ATRNL1: variants seen among roughly 807,000 people sequenced by gnomAD.
ATRNL1 encodes the protein attractin-like protein 1.
ATRNL1 carries 95 observed loss-of-function variants against 182.7 expected under a neutral mutation model. The ratio of observed to expected loss-of-function variants is 0.52; its 90% CI spans 0.44 to 0.62. The LOEUF (loss-of-function observed/expected upper bound fraction) is 0.62, where lower values mean the gene tolerates loss of function less well. Ranked by LOEUF, ATRNL1 falls within the 20% of genes least tolerant of loss-of-function variation. The pLI is 0.00. For missense variants in ATRNL1, 1,471 were observed against 1,679.5 expected, an observed-to-expected ratio of 0.88 and a Z score of 2.17; for synonymous variants, 576 against 568.3, an observed-to-expected ratio of 1.01 and a Z score of -0.19.
intron 28 of ATRNL1, among the ~76,000 whole-genome samples, chr10:115,879,944 C>T (rs1951790273): frequency 6.6e-6 from 1 of 151,922 alleles, no homozygotes; most frequent in South Asian, 2.1e-4. Flanking sequence ...AGCTCAGGAG[C>T]CAGGAAATTG....
At chr10:115,560,460 A>T (rs1853633160) in intron 26 of ATRNL1, among the ~76,000 whole-genome samples, 1 of 152,196 alleles carries the variant, frequency 6.6e-6, no homozygotes, top group Non-Finnish European at 1.5e-5. Context: ...TTGGGTGGGG[A>T]CACAGCAAAA....
At position 115,292,186 on chromosome 10, in the gene ATRNL1, G is replaced by A. The variant is rs568901858; in HGVS notation, c.2415+5789G>A. Among the ~76,000 whole-genome samples the A allele has an allele frequency of 4.0e-5, 6 of 151,890 alleles. No individual in the cohort carries two copies. The South Asian group carries it at 1.0e-3, about 26-fold the overall frequency. On this transcript the variant is annotated intron_variant, in intron 15 of 28. Coordinates refer to ENST00000355044, the MANE Select transcript of ATRNL1 (RefSeq NM_207303.4). Reference sequence around the variant, plus strand: ...CTCTAATGACCCTTTATGTTTCTGTGTTATTTTAATGTCTCCTGAATTTTC... The same window carrying A: ...CTCTAATGACCCTTTATGTTTCTGTATTATTTTAATGTCTCCTGAATTTTC...
At chr10:115,223,787 A>T (rs1428090312) in intron 9 of ATRNL1, among the ~76,000 whole-genome samples, 1 of 150,882 alleles carries the variant, frequency 6.6e-6, no homozygotes, top group South Asian at 2.1e-4. Flanking sequence ...GACCACAGTG[A>T]AATAAAAAGT....
rs374613836 is a variant in ATRNL1, at chr10:115,806,511, C to G, written c.3904-41366C>G. Among the ~76,000 whole-genome samples, 78 of 152,246 alleles carry G rather than the reference C, an allele frequency of 5.1e-4. No individual in the cohort carries two copies. In the South Asian group the frequency reaches 0.015, roughly 28 times the overall value. ...GCTACAGTTGCAAGTCACTAAAATT[C>G]ATCAGAATAAATTAAACTGCACAGG... is the stretch of plus-strand genomic sequence containing the variant. On this transcript the variant is annotated intron_variant, in intron 27 of 28. Coordinates refer to ENST00000355044, the MANE Select transcript of ATRNL1 (RefSeq NM_207303.4).
chr10:115,274,882 A>G lies in ATRNL1; in HGVS notation c.2100+6438A>G, dbSNP rs373666950. ...AACCACATCTGATAAGGCAATTACA[A>G]TTGGTATTACCACTCGGTTAAGCTT... On this transcript the variant is annotated intron_variant, in intron 13 of 28. Transcript: ENST00000355044. 2.0e-4 allele frequency among the ~76,000 whole-genome samples: 30 copies of G among 152,328 alleles called. No homozygotes were observed. In the South Asian group the frequency reaches 6.2e-3, roughly 32 times the overall value.
intron 26 of ATRNL1, among the ~76,000 whole-genome samples, chr10:115,681,948 C>G (rs1488843545): frequency 6.6e-6 from 1 of 152,084 alleles, no homozygotes; most frequent in Non-Finnish European, 1.5e-5. Flanking sequence ...TCCTGAGATA[C>G]AATGCAGTGG....
chr10:115,591,258 T>TC (rs1226460621), intron 26 of ATRNL1, among the ~76,000 whole-genome samples: 1 of 152,162 alleles, frequency 6.6e-6, no homozygotes, highest in Non-Finnish European at 1.5e-5. Context: ...TACCTCAATT[T>TC]CCCACAAGAT....
intron 27 of ATRNL1, among the ~76,000 whole-genome samples, chr10:115,815,352 C>T (rs958638129): frequency 1.3e-5 from 2 of 151,012 alleles, no homozygotes; most frequent in African/African-American, 4.9e-5. Context: ...GTACCTAAAA[C>T]GAAGTTGCTA....
intron 24 of ATRNL1, among the ~76,000 whole-genome samples, chr10:115,500,489 G>A (rs919520994): frequency 6.6e-6 from 1 of 152,022 alleles, no homozygotes; most frequent in African/African-American, 2.4e-5. Context: ...ACAAATCATG[G>A]TAGGACTGAT....
At chr10:115,196,725 T>A (rs956460061) in intron 8 of ATRNL1, among the ~76,000 whole-genome samples, 1 of 152,142 alleles carries the variant, frequency 6.6e-6, no homozygotes, top group Non-Finnish European at 1.5e-5. Flanking sequence ...ATTGCTAGTC[T>A]ATGTAAAAAT....
chr10:115,668,277 G>A (rs961425808), intron 26 of ATRNL1, among the ~76,000 whole-genome samples: 1 of 152,032 alleles, frequency 6.6e-6, no homozygotes, highest in African/African-American at 2.4e-5. Flanking sequence ...CCCCAGTGGG[G>A]TAACTTCAAA....
At chr10:115,270,982 A>G (rs1554912803) in intron 13 of ATRNL1, among the ~76,000 whole-genome samples, 1 of 152,178 alleles carries the variant, frequency 6.6e-6, no homozygotes, top group Non-Finnish European at 1.5e-5. Flanking sequence ...TCCTGTGTAC[A>G]ACTGGAAAAC....
chr10:115,311,478 C>T (rs368093703), intron 17 of ATRNL1, among the ~76,000 whole-genome samples: 2 of 152,274 alleles, frequency 1.3e-5, no homozygotes, highest in South Asian at 2.1e-4. Flanking sequence ...TGAGCCACTG[C>T]GCCCAGCCGA....
chr10:115,209,702 A>T (rs1554894579), intron 8 of ATRNL1, among the ~76,000 whole-genome samples: 1 of 151,910 alleles, frequency 6.6e-6, no homozygotes, highest in African/African-American at 2.4e-5. Context: ...TATGCAAATA[A>T]CAACAGAGGA....
intron 26 of ATRNL1, among the ~76,000 whole-genome samples, chr10:115,655,804 G>A (rs12253056): frequency 0.012 from 1,783 of 152,228 alleles, 36 homozygotes; most frequent in African/African-American, 0.04. Context: ...GAGAAGCAAG[G>A]ATACTTTGAG....
At chr10:115,868,535 A>G (rs1951492094) in intron 28 of ATRNL1, among the ~76,000 whole-genome samples, 2 of 152,070 alleles carry the variant, frequency 1.3e-5, no homozygotes, top group Non-Finnish European at 2.9e-5. Flanking sequence ...ACCTGATATC[A>G]CAGACCGTCA....
intron 3 of ATRNL1, among the ~76,000 whole-genome samples, chr10:115,123,243 A>G (rs1054679657): frequency 6.6e-6 from 1 of 152,222 alleles, no homozygotes; most frequent in African/African-American, 2.4e-5. Context: ...ACTTGATGTT[A>G]AGCACTAGGC....
Position 115,769,534 on chromosome 10 carries a change from C to T in ATRNL1, c.3903+42179C>T, listed in dbSNP as rs144063236. The stretch of plus-strand genomic sequence containing the variant: ...ATAAAATTATTGAAAGGATTACATG[C>T]ATTTACCATGGTGCCTGGCACATAG... On this transcript the variant is annotated intron_variant, in intron 27 of 28. Transcript: ENST00000355044. Among the ~76,000 whole-genome samples, 1,409 of 152,194 alleles carry T rather than the reference C, an allele frequency of 9.3e-3. 18 individuals carry two copies. Among genetic ancestry groups the T allele is most frequent in the Non-Finnish European group, 0.01 (710 of 67,972 alleles).
chr10:115,663,867 C>T (rs1565263263), intron 26 of ATRNL1, among the ~76,000 whole-genome samples: 1 of 151,998 alleles, frequency 6.6e-6, no homozygotes, highest in Non-Finnish European at 1.5e-5. Context: ...ACAGTGGCCC[C>T]ATGAATCTCT....
Sources: allele counts gnomAD v4.1 joint callset (sites outside exome capture counted in the v4.1 genomes callset), GRCh38; gene constraint gnomAD v4.1.1; transcripts MANE v1.5; gene names NCBI Gene and HGNC (gene_info 2026-07-23, HGNC 2026-07-21).